RBBP4: variants seen among roughly 807,000 people sequenced by gnomAD.
RBBP4 encodes RB binding protein 4, chromatin remodeling factor, also known as histone-binding protein RBBP4.
Under a neutral mutation model 57.2 loss-of-function variants are expected in RBBP4, and 3 were observed. The ratio of observed to expected loss-of-function variants is 0.05; its 90% CI spans 0.02 to 0.14. The LOEUF is 0.14. Among genes scored for constraint, RBBP4 ranks in the 10% least tolerant of loss-of-function variants. The pLI is 1.00. For missense variants in RBBP4, 107 were observed against 520.6 expected (o/e 0.21, Z 7.73); for synonymous variants, 151 against 171.5 (o/e 0.88, Z 0.93).
intron 3 of RBBP4, among the ~76,000 whole-genome samples, chr1:32,664,081 C>G (rs964494497): frequency 6.6e-6 from 1 of 152,010 alleles, no homozygotes; most frequent in African/African-American, 2.4e-5. Context: ...CGCCCGCCAC[C>G]ACGCCCGGCT....
Position 32,652,242 on chromosome 1 carries a change from A to G in RBBP4, c.164+181A>G, listed in dbSNP as rs1647790250. The G allele has an allele frequency of 4.4e-6, 3 of 679,644 alleles. No individual in the cohort carries two copies. The South Asian group carries it at 6.8e-5, about 15-fold the overall frequency. 42.1% of individuals were successfully genotyped at this position (679,644 alleles called of 1,614,324 possible). Reference sequence around the variant, plus strand: ...AAAATGATTTTGTAACTTACCTGACAAGAGAAAACATATTGGCGTTTTTTT... The same window carrying G: ...AAAATGATTTTGTAACTTACCTGACGAGAGAAAACATATTGGCGTTTTTTT... On this transcript the variant is annotated intron_variant, in intron 2 of 11. Coordinates refer to ENST00000373493, the MANE Select transcript of RBBP4 (RefSeq NM_005610.3).
At chr1:32,670,867 T>C (rs971767384) in intron 8 of RBBP4, among the ~76,000 whole-genome samples, 1 of 152,226 alleles carries the variant, frequency 6.6e-6, no homozygotes, top group African/African-American at 2.4e-5. Context: ...TGAACTGGGC[T>C]TTAGGTGAGC....
chr1:32,669,539 G>A lies in RBBP4; in HGVS notation c.942G>A (p.Glu314=). Residue 314 remains glutamate, a synonymous_variant, in exon 8 of 12, where the codon GAG becomes GAA. Transcript: ENST00000373493. The surrounding 1 kb of genome is among the most constrained non-coding windows in gnomAD (Gnocchi z 4.9). ...RNLKLKLHSF[E]SHKDEIFQVQ... is the part of the protein sequence containing the mutation. Reference sequence around the variant, plus strand: ...TGAAACTTAAGTTGCATTCCTTTGAGTCACATAAGGATGAAATATTCCAGG... The same window carrying A: ...TGAAACTTAAGTTGCATTCCTTTGAATCACATAAGGATGAAATATTCCAGG... The A allele has an allele frequency of 6.2e-7, 1 of 1,608,212 alleles. No homozygotes were observed. Among genetic ancestry groups the A allele is most frequent in the Non-Finnish European group, 8.5e-7 (1 of 1,178,702 alleles).
chr1:32,666,478 C>T (rs1378374106), intron 3 of RBBP4, among the ~76,000 whole-genome samples: 1 of 152,034 alleles, frequency 6.6e-6, no homozygotes, highest in Non-Finnish European at 1.5e-5. Flanking sequence ...GTCTCAGCCT[C>T]CCCAGTAGCT....
chr1:32,673,378 C>T (rs1648954485), intron 11 of RBBP4: 1 of 374,488 alleles, frequency 2.7e-6, no homozygotes, highest in Non-Finnish European at 5.2e-6. Flanking sequence ...TGAAAGCTGT[C>T]TAGATTTCAA....
intron 3 of RBBP4, among the ~76,000 whole-genome samples, chr1:32,659,005 ATAG>A (rs1167736518): frequency 8.8e-5 from 13 of 147,640 alleles, no homozygotes; most frequent in East Asian, 5.8e-4. Flanking sequence ...TGTGTAAAAT[ATAG>A]TTATATATAA....
chr1:32,664,431 G>T (rs1395082654), intron 3 of RBBP4, among the ~76,000 whole-genome samples: 1 of 151,920 alleles, frequency 6.6e-6, no homozygotes, highest in Non-Finnish European at 1.5e-5. Context: ...CCTCTTTTCT[G>T]GCAGCTATGC....
intron 3 of RBBP4, among the ~76,000 whole-genome samples, chr1:32,666,335 A>G (rs976161839): frequency 4.0e-5 from 6 of 150,298 alleles, no homozygotes; most frequent in Non-Finnish European, 7.4e-5. Context: ...CAGCATACTT[A>G]TTTACACTTT....
chr1:32,652,145 C>A, intron 2 of RBBP4, 84 bp downstream of exon 2: 2 of 1,468,942 alleles, frequency 1.4e-6, no homozygotes, highest in South Asian at 2.6e-5. Context: ...GCTCTTCAGT[C>A]ACCCGGAGAA....
chr1:32,673,500 C>G (rs1028067439), intron 11 of RBBP4: 9 of 421,408 alleles, frequency 2.1e-5, no homozygotes, highest in African/African-American at 4.3e-5. Flanking sequence ...TGCAATGGTG[C>G]AATCTCGGCT....
exon 12 of RBBP4, chr1:32,686,199 GCATTAAAGTTAATTT>G (rs1457378770): frequency 6.6e-6 from 1 of 152,158 alleles, no homozygotes; most frequent in Non-Finnish European, 1.5e-5. Flanking sequence ...TAAATAAAAT[GCATTAAAGTTAATTT>G]CATCTGTTTC....
Position 32,685,283 on chromosome 1 carries a change from T to G in RBBP4, c.*5578T>G, listed in dbSNP as rs933271972. On this transcript the variant is annotated 3_prime_UTR_variant, in exon 12 of 12. Coordinates refer to ENST00000373493, the MANE Select transcript of RBBP4 (RefSeq NM_005610.3). ...CTTCCAGAATCAGGCTGGGATGCAT[T>G]CTGTAAATTTTCCCTGCCTAGGATG... 2.6e-4 allele frequency: 39 copies of G among 152,276 alleles called. No individual in the cohort carries two copies. The highest frequency in any genetic ancestry group is 9.1e-4 in the African/African-American group (38 of 41,570). 9.4% of individuals were successfully genotyped at this position (152,276 alleles called of 1,614,324 possible). A position where few individuals can be genotyped will look rare whatever the true frequency, so the allele number is the denominator to read the frequency against.
chr1:32,670,259 C>G (rs1236536808), intron 8 of RBBP4, among the ~76,000 whole-genome samples: 1 of 152,178 alleles, frequency 6.6e-6, no homozygotes, highest in Non-Finnish European at 1.5e-5. Context: ...ACTTAGTGAT[C>G]TCTTCCCTTC....
Position 32,679,938 on chromosome 1 carries a change from C to T in RBBP4, c.*233C>T. On this transcript the variant is annotated 3_prime_UTR_variant, in exon 12 of 12. Coordinates refer to ENST00000373493, the MANE Select transcript of RBBP4 (RefSeq NM_005610.3). ...TTTTCTTCAGGAATTTTCTAGTAACCCAGGTCTAAAGTAGCTACAGAAAGG... is the reference window on the plus strand; with the variant it reads ...TTTTCTTCAGGAATTTTCTAGTAACTCAGGTCTAAAGTAGCTACAGAAAGG... The T allele has an allele frequency of 7.7e-7, 1 of 1,292,142 alleles. No homozygotes were observed. The highest frequency in any genetic ancestry group is 9.8e-7 in the Non-Finnish European group (1 of 1,022,704). 80.0% of individuals were successfully genotyped at this position (1,292,142 alleles called of 1,614,324 possible).
intron 2 of RBBP4, among the ~76,000 whole-genome samples, chr1:32,655,720 A>G (rs753554932): frequency 1.1e-4 from 16 of 152,016 alleles, no homozygotes; most frequent in African/African-American, 3.6e-4. Flanking sequence ...CCTTACCCCA[A>G]CTTTCTCTCC....
At chr1:32,659,658 G>A (rs980533017) in intron 3 of RBBP4, among the ~76,000 whole-genome samples, 6 of 152,112 alleles carry the variant, frequency 3.9e-5, no homozygotes, top group Admixed American at 1.3e-4. Context: ...CCTGTGTATT[G>A]GATCACTCAT....
rs777339760 is a variant in RBBP4, at chr1:32,669,121, G to A, written c.750G>A (p.Gln250=). 1.1e-5 allele frequency: 18 copies of A among 1,614,048 alleles called. No homozygotes were observed. The highest frequency in any genetic ancestry group is 4.0e-5 in the African/African-American group (3 of 74,928). Residue 250 remains glutamine (Q), a synonymous_variant, in exon 6 of 12, where the codon CAG becomes CAA. Coordinates refer to ENST00000373493, the MANE Select transcript of RBBP4 (RefSeq NM_005610.3). The surrounding 1 kb of genome is among the most constrained non-coding windows in gnomAD (Gnocchi z 4.9). The part of the protein sequence containing the change: ...ESLFGSVADD[Q]KLMIWDTRSN... ...TGTTTGGGTCAGTTGCTGATGATCAGAAACTTATGATGTGAGTAGAATCCA... is the reference window on the plus strand; with the variant it reads ...TGTTTGGGTCAGTTGCTGATGATCAAAAACTTATGATGTGAGTAGAATCCA...
At position 32,683,928 on chromosome 1, in the gene RBBP4, C is replaced by A; in HGVS notation, c.*4223C>A. 7.1e-7 allele frequency: 1 copy of A among 1,411,972 alleles called. No individual in the cohort carries two copies. The highest frequency in any genetic ancestry group is 1.2e-5 in the South Asian group (1 of 84,854). 87.5% of individuals were successfully genotyped at this position (1,411,972 alleles called of 1,614,324 possible). ...GATTACAGGCGTGAGCCACCCCGTCCGGCCTGTTTTTAAGGCATTAATTAG... is the reference window on the plus strand; with the variant it reads ...GATTACAGGCGTGAGCCACCCCGTCAGGCCTGTTTTTAAGGCATTAATTAG... On this transcript the variant is annotated 3_prime_UTR_variant, in exon 12 of 12. Coordinates refer to ENST00000373493, the MANE Select transcript of RBBP4 (RefSeq NM_005610.3).
In RBBP4 at chr1:32,683,703, G is replaced by A. The variant is rs1319882522; in HGVS notation, c.*3998G>A. ...AGCTGGAGTGCTGTATTGTGATCTTGACTCACTGCAACCTCTGCCTCCTGG... is the reference window on the plus strand; with the variant it reads ...AGCTGGAGTGCTGTATTGTGATCTTAACTCACTGCAACCTCTGCCTCCTGG... On this transcript the variant is annotated 3_prime_UTR_variant, in exon 12 of 12. Transcript: ENST00000373493. 3.4e-6 allele frequency: 1 copy of A among 290,864 alleles called. No individual in the cohort carries two copies. Among genetic ancestry groups the A allele is most frequent in the African/African-American group, 2.2e-5 (1 of 45,188 alleles). The allele number at this position is 290,864 out of a possible 1,614,324, so 18.0% of individuals were successfully genotyped here. A position where few individuals can be genotyped will look rare whatever the true frequency, so the allele number is the denominator to read the frequency against.
Sources: allele counts gnomAD v4.1 joint callset (sites outside exome capture counted in the v4.1 genomes callset), GRCh38; gene constraint gnomAD v4.1.1; non-coding constraint Gnocchi (gnomAD v3.1); transcripts MANE v1.5; gene names NCBI Gene and HGNC (gene_info 2026-07-23, HGNC 2026-07-21).